Variants in GRID2 observed in about 807,000 individuals in gnomAD.
GRID2 encodes glutamate receptor ionotropic, delta-2.
A neutral mutation model predicts 114.8 loss-of-function variants in GRID2; 33 were observed. The observed-to-expected ratio is 0.29, with a 90% confidence interval of 0.22 to 0.38. The LOEUF (loss-of-function observed/expected upper bound fraction) is 0.38, where lower values mean the gene tolerates loss of function less well. Ranked by LOEUF, GRID2 falls within the 10% of genes least tolerant of loss-of-function variation. The pLI is 1.00. For synonymous variants in GRID2, 505 were observed against 449.9 expected (o/e 1.12, Z -1.55); for missense variants, 1,184 against 1,257.7 (o/e 0.94, Z 0.89).
At chr4:93,783,788 C>G (rs1321976126) in intron 1 of GRID2, among the ~76,000 whole-genome samples, 5 of 152,084 alleles carry the variant, frequency 3.3e-5, no homozygotes, top group Non-Finnish European at 5.9e-5. Flanking sequence ...AAAACCAACC[C>G]TTGGCCGGGC....
chr4:93,704,204 G>A (rs1023129539), intron 14 of GRID2, among the ~76,000 whole-genome samples: 1 of 152,124 alleles, frequency 6.6e-6, no homozygotes, highest in Non-Finnish European at 1.5e-5. Flanking sequence ...GGTGTGAGAT[G>A]GTATCTCATT....
chr4:92,505,903 T>G (rs1271254250), intron 1 of GRID2, among the ~76,000 whole-genome samples: 1 of 151,980 alleles, frequency 6.6e-6, no homozygotes. Flanking sequence ...AAATCTCTTT[T>G]TATATTTGAG....
rs944333163 is a variant in GRID2 at position 93,160,669 on chromosome 4, G to A, written c.736-46735G>A. ...CTGTCTACAATTAGGACACTTGTTA[G>A]CCCTCTTTAATGGGATAAAATATGG... On this transcript the variant is annotated intron_variant, in intron 4 of 15. Transcript: ENST00000282020. Among the ~76,000 whole-genome samples the A allele has an allele frequency of 2.6e-5, 4 of 151,712 alleles. No individual in the cohort carries two copies. In the South Asian group the frequency reaches 8.3e-4, roughly 31 times the overall value.
intron 4 of GRID2, among the ~76,000 whole-genome samples, chr4:93,169,308 T>C (rs1200869418): frequency 6.6e-6 from 1 of 152,176 alleles, no homozygotes; most frequent in Non-Finnish European, 1.5e-5. Context: ...TAGCAAATTA[T>C]CTTGAAAAAC....
chr4:92,767,700 G>A (rs1040491995), intron 2 of GRID2, among the ~76,000 whole-genome samples: 10 of 151,738 alleles, frequency 6.6e-5, no homozygotes, highest in South Asian at 2.1e-4. Flanking sequence ...GCAGTGAACC[G>A]AGACCACACC....
chr4:92,818,182 C>A (rs900491842), intron 2 of GRID2, among the ~76,000 whole-genome samples: 1 of 152,020 alleles, frequency 6.6e-6, no homozygotes, highest in African/African-American at 2.4e-5. Flanking sequence ...GTCTGTTATT[C>A]CCACTTAATT....
At chr4:92,628,363 G>GTTGTTTTGTTTTGTTTTGTT (rs574635865) in intron 2 of GRID2, among the ~76,000 whole-genome samples, 43 of 152,050 alleles carry the variant, frequency 2.8e-4, no homozygotes, top group African/African-American at 8.9e-4. Context: ...TTTGTTTTGT[G>GTTGTTTTGTTTTGTTTTGTT]TTGTTTTGTT....
intron 1 of GRID2, among the ~76,000 whole-genome samples, chr4:92,564,667 T>G (rs1481905971): frequency 1.3e-5 from 2 of 152,026 alleles, no homozygotes; most frequent in Non-Finnish European, 2.9e-5. Context: ...TCTTCGGCAG[T>G]ACATACACTA....
At chr4:93,745,986 T>C (rs1731807555) in intron 14 of GRID2, among the ~76,000 whole-genome samples, 1 of 152,100 alleles carries the variant, frequency 6.6e-6, no homozygotes, top group South Asian at 2.1e-4. Context: ...CTGTGAGCTC[T>C]AAAAGAAACC....
intron 2 of GRID2, among the ~76,000 whole-genome samples, chr4:92,739,854 A>C (rs1560564866): frequency 6.6e-6 from 1 of 152,162 alleles, no homozygotes; most frequent in Non-Finnish European, 1.5e-5. Flanking sequence ...TAAATATTTC[A>C]AACTTAATAA....
intron 2 of GRID2, among the ~76,000 whole-genome samples, chr4:92,862,557 A>G (rs894781341): frequency 2.0e-5 from 3 of 152,052 alleles, no homozygotes; most frequent in Non-Finnish European, 4.4e-5. Context: ...TATGAAATGT[A>G]TCACTATTTG....
intron 13 of GRID2, among the ~76,000 whole-genome samples, chr4:93,536,235 A>G (rs1732058623): frequency 6.6e-6 from 1 of 151,958 alleles, no homozygotes. Flanking sequence ...ACGAAAGACT[A>G]CAAATAGCCA....
intron 4 of GRID2, among the ~76,000 whole-genome samples, chr4:93,113,273 A>G (rs1241498321): frequency 1.3e-5 from 2 of 152,184 alleles, no homozygotes; most frequent in Admixed American, 1.3e-4. Context: ...AAAGCCTTTG[A>G]GTTGGTACTA....
In GRID2 at chr4:93,580,454, G is replaced by T. The variant is rs764622967; in HGVS notation, c.2194-45815G>T. On this transcript the variant is annotated intron_variant, in intron 13 of 15. Coordinates refer to ENST00000282020, the MANE Select transcript of GRID2 (RefSeq NM_001510.4). ...AAAGAACTCCTGTGTTTTCAGGCTT[G>T]TAGTTCAGCCACATGTATCCATAAT... Among the ~76,000 whole-genome samples, 54 of 152,306 alleles carry T rather than the reference G, an allele frequency of 3.5e-4. 1 individual carries two copies. Among genetic ancestry groups the T allele is most frequent in the East Asian group, 7.7e-4 (4 of 5,188 alleles).
intron 2 of GRID2, among the ~76,000 whole-genome samples, chr4:92,732,586 C>A (rs1247724918): frequency 6.6e-6 from 1 of 151,964 alleles, no homozygotes; most frequent in Non-Finnish European, 1.5e-5. Context: ...GACTCTAGTT[C>A]CCTTGTTTAT....
At chr4:92,770,587 A>T (rs1289415114) in intron 2 of GRID2, among the ~76,000 whole-genome samples, 1 of 152,136 alleles carries the variant, frequency 6.6e-6, no homozygotes, top group African/African-American at 2.4e-5. Context: ...GTGGCTGGGG[A>T]GGCCTCACAA....
At chr4:92,500,160 G>C (rs1560673093) in intron 1 of GRID2, among the ~76,000 whole-genome samples, 1 of 151,896 alleles carries the variant, frequency 6.6e-6, no homozygotes, top group Non-Finnish European at 1.5e-5. Flanking sequence ...TTGCTTACCT[G>C]TGTTTCTTTT....
chr4:93,174,595 AT>A (rs1739171951), intron 4 of GRID2, among the ~76,000 whole-genome samples: 1 of 152,084 alleles, frequency 6.6e-6, no homozygotes, highest in Admixed American at 6.6e-5. Flanking sequence ...TGGGGACCTA[AT>A]CTGATAGGAC....
intron 2 of GRID2, among the ~76,000 whole-genome samples, chr4:92,759,911 C>G (rs1304568243): frequency 6.6e-6 from 1 of 151,550 alleles, no homozygotes. Context: ...CAGGTGTGCA[C>G]GACAGTGCTC....
Sources: allele counts gnomAD v4.1 joint callset (sites outside exome capture counted in the v4.1 genomes callset), GRCh38; gene constraint gnomAD v4.1.1; transcripts MANE v1.5; gene names NCBI Gene and HGNC (gene_info 2026-07-23, HGNC 2026-07-21).